The following SAV1 variants were observed in gnomAD, a reference collection of about 807,000 sequenced individuals.
The protein encoded by SAV1 is salvador family WW domain containing protein 1.
SAV1 carries 23 observed loss-of-function variants against 47.3 expected under a neutral mutation model. The ratio of observed to expected loss-of-function variants is 0.49; its 90% CI spans 0.35 to 0.69. The LOEUF (loss-of-function observed/expected upper bound fraction) is 0.69, where lower values mean the gene tolerates loss of function less well. Ranked by LOEUF, SAV1 falls within the 30% of genes least tolerant of loss-of-function variation. The pLI, the probability that SAV1 is intolerant of heterozygous loss-of-function variation, is 0.01. For synonymous variants in SAV1, 155 were observed against 159.2 expected, an observed-to-expected ratio of 0.97 and a Z score of 0.20; for missense variants, 448 against 457.4, an observed-to-expected ratio of 0.98 and a Z score of 0.19.
At chr14:50,667,437 C>CT (rs1400308410) in intron 1 of SAV1, 1 of 456,542 alleles carries the variant, frequency 2.2e-6, no homozygotes, top group South Asian at 1.5e-5. Flanking sequence ...AGAGTTCGCA[C>CT]AACTTGCAGC....
intron 3 of SAV1, among the ~76,000 whole-genome samples, chr14:50,643,358 T>G (rs952064393): frequency 6.6e-6 from 1 of 152,176 alleles, no homozygotes; most frequent in Non-Finnish European, 1.5e-5. Flanking sequence ...CTCAGGAAAC[T>G]TAAATCATGG....
At chr14:50,643,466 G>GA (rs1372577682) in intron 3 of SAV1, among the ~76,000 whole-genome samples, 1 of 152,138 alleles carries the variant, frequency 6.6e-6, no homozygotes, top group East Asian at 1.9e-4. Context: ...GATCTCATGA[G>GA]AACTCACTAC....
intron 2 of SAV1, among the ~76,000 whole-genome samples, chr14:50,663,809 C>T (rs536111501): frequency 0.011 from 1,700 of 152,248 alleles, 9 homozygotes; most frequent in Non-Finnish European, 0.017. Context: ...CTTGTCTTTC[C>T]GAAATGTGCA....
intron 2 of SAV1, among the ~76,000 whole-genome samples, chr14:50,659,919 T>TA (rs1323115149): frequency 6.6e-6 from 1 of 152,174 alleles, no homozygotes; most frequent in Non-Finnish European, 1.5e-5. Context: ...GTTTCCAGAA[T>TA]TTGGACTGGC....
intron 3 of SAV1, among the ~76,000 whole-genome samples, chr14:50,642,729 A>C (rs1013675758): frequency 3.9e-5 from 6 of 152,218 alleles, no homozygotes; most frequent in Non-Finnish European, 7.3e-5. Flanking sequence ...CTAAACTGGG[A>C]TTAAAATAAG....
chr14:50,644,097 T>TACACC (rs1363150513), intron 3 of SAV1, among the ~76,000 whole-genome samples: 4 of 152,354 alleles, frequency 2.6e-5, no homozygotes, highest in African/African-American at 9.6e-5. Context: ...TATTTACACT[T>TACACC]ACAGCACATC....
At chr14:50,642,928 A>G (rs1167237076) in intron 3 of SAV1, among the ~76,000 whole-genome samples, 2 of 152,238 alleles carry the variant, frequency 1.3e-5, no homozygotes, top group East Asian at 3.8e-4. Flanking sequence ...TAACACTTAC[A>G]AACTATGTAA....
intron 4 of SAV1, among the ~76,000 whole-genome samples, chr14:50,637,202 T>C (rs1160084683): frequency 6.6e-6 from 1 of 152,214 alleles, no homozygotes; most frequent in Non-Finnish European, 1.5e-5. Context: ...TGCAAATTTA[T>C]TAATAGATTT....
intron 2 of SAV1, among the ~76,000 whole-genome samples, chr14:50,646,297 T>C (rs1367186649): frequency 1.3e-5 from 2 of 152,246 alleles, no homozygotes; most frequent in African/African-American, 2.4e-5. Context: ...TTGAAAGATC[T>C]TGTACCATAT....
chr14:50,656,541 C>G (rs2039814069), intron 2 of SAV1, among the ~76,000 whole-genome samples: 1 of 149,258 alleles, frequency 6.7e-6, no homozygotes, highest in South Asian at 2.1e-4. Context: ...CTCCTGGGTT[C>G]ATGCCATTCT....
At position 50,667,959 on chromosome 14, in the gene SAV1, G is replaced by C; in HGVS notation, c.9C>G (p.Ser3=). 6.2e-7 allele frequency: 1 copy of C among 1,610,648 alleles called. No individual in the cohort carries two copies. Among genetic ancestry groups the C allele is most frequent in the Non-Finnish European group, 8.5e-7 (1 of 1,178,988 alleles). ...ACACTTCGTTTTTGGTTTTCTTTCG[G>C]GACAGCATCCTTCTCGACGAGGCCC... ML[S]RKKTKNEVSK... The change falls in exon 1 of 5, where the codon TCC becomes TCG. Residue 3 remains serine, a synonymous_variant. Transcript: ENST00000324679.
intron 2 of SAV1, among the ~76,000 whole-genome samples, chr14:50,649,795 G>T (rs184399036): frequency 6.6e-6 from 1 of 152,324 alleles, no homozygotes; most frequent in East Asian, 1.9e-4. Context: ...TGAAAAGTTA[G>T]TGTGTTAACA....
chr14:50,658,419 C>T (rs547399253), intron 2 of SAV1, among the ~76,000 whole-genome samples: 29 of 152,268 alleles, frequency 1.9e-4, no homozygotes, highest in African/African-American at 5.8e-4. Flanking sequence ...ACAGTAAGTG[C>T]GTGACTGGTA....
rs75782500 is a variant in SAV1 at position 50,661,702 on chromosome 14, A to G, written c.535+3477T>C. On this transcript the variant is annotated intron_variant, in intron 2 of 4. Transcript: ENST00000324679. ...TATTGAAGAAAGTGTCCTTTTCCCAATGCACGTTCTTGGTGCTTTTGTAAA... is the reference window on the plus strand; with the variant it reads ...TATTGAAGAAAGTGTCCTTTTCCCAGTGCACGTTCTTGGTGCTTTTGTAAA... Among the ~76,000 whole-genome samples, 856 of 152,280 alleles carry G rather than the reference A, an allele frequency of 5.6e-3. 2 individuals are homozygous for G. The highest frequency in any genetic ancestry group is 8.4e-3 in the Non-Finnish European group (571 of 68,016).
chr14:50,640,816 G>A lies in SAV1; in HGVS notation c.884C>T (p.Pro295Leu). 6.2e-7 allele frequency: 1 copy of A among 1,614,004 alleles called. No homozygotes were observed. The highest frequency in any genetic ancestry group is 8.5e-7 in the Non-Finnish European group (1 of 1,179,938). Residue 295 changes from proline to leucine, a missense_variant, in exon 4 of 5, where the codon CCT becomes CTT. By Grantham distance (98) the Pro-to-Leu change is moderately conservative (BLOSUM62 -3). Coordinates refer to ENST00000324679, the MANE Select transcript of SAV1 (RefSeq NM_021818.4). ...QTERNQSLLV[P>L]ANPYHTAEIP... ...TTCTGCAGTATGATATGGATTTGCA[G>A]GTACCAGAAGGGACTGATTTCTTTC... is the stretch of plus-strand genomic sequence containing the variant.
chr14:50,653,554 GTT>G (rs2039787832), intron 2 of SAV1, among the ~76,000 whole-genome samples: 4 of 152,248 alleles, frequency 2.6e-5, no homozygotes, highest in African/African-American at 9.6e-5. Flanking sequence ...ACGTGAATTT[GTT>G]TGTTTCCCAG....
intron 2 of SAV1, among the ~76,000 whole-genome samples, chr14:50,648,869 G>A (rs2039744575): frequency 6.6e-6 from 1 of 152,140 alleles, no homozygotes; most frequent in Admixed American, 6.5e-5. Context: ...GTTCACCACA[G>A]GTTGGTGATA....
At chr14:50,659,615 A>G (rs924652361) in intron 2 of SAV1, among the ~76,000 whole-genome samples, 5 of 152,166 alleles carry the variant, frequency 3.3e-5, no homozygotes, top group Non-Finnish European at 7.4e-5. Flanking sequence ...TTGGGAGGCC[A>G]AGGCAGGCAG....
rs2039913461 is a variant in SAV1, at chr14:50,667,587, T to C, written c.94+287A>G. 4.8e-5 allele frequency: 24 copies of C among 504,120 alleles called. 1 individual carries two copies. The highest frequency in any genetic ancestry group is 4.5e-4 in the South Asian group (23 of 50,738). 31.2% of individuals were successfully genotyped at this position (504,120 alleles called of 1,614,324 possible). On this transcript the variant is annotated intron_variant, in intron 1 of 4. Transcript: ENST00000324679. ...CAATTTAAATGTTTCCTACTCTCTC[T>C]TCCAGTAATCAAAACCAACAACTCT...
Sources: allele counts gnomAD v4.1 joint callset (sites outside exome capture counted in the v4.1 genomes callset), GRCh38; gene constraint gnomAD v4.1.1; transcripts MANE v1.5; gene names NCBI Gene and HGNC (gene_info 2026-07-23, HGNC 2026-07-21).